Variants in ETV6 observed in about 807,000 individuals in gnomAD.
ETV6 encodes ETS variant transcription factor 6.
In ETV6, 16 loss-of-function variants were observed where a neutral mutation model predicts 51.1. The observed-to-expected ratio is 0.31, with a 90% CI of 0.21 to 0.48. The LOEUF is 0.48. Ranked by LOEUF, ETV6 falls within the 20% of genes least tolerant of loss-of-function variation. ETV6 has a pLI of 0.99. For missense variants in ETV6, 458 were observed against 594.8 expected (o/e 0.77, Z 2.39); for synonymous variants, 240 against 224.1 (o/e 1.07, Z -0.64).
Position 11,874,123 on chromosome 12 carries a change from C to G in ETV6, c.1009+4154C>G, listed in dbSNP as rs1946925094. Among the ~76,000 whole-genome samples, 2 of 74,430 alleles carry G rather than the reference C, an allele frequency of 2.7e-5. 1 individual carries two copies. The allele number at this position is 74,430 out of a possible 152,430, so 48.8% of individuals were successfully genotyped here. On this transcript the variant is annotated intron_variant, in intron 5 of 7. Transcript: ENST00000396373. Reference sequence around the variant, plus strand: ...GGGTACTGTGGCTCACGCCTGTAATCCCAGTACTTTGGAAGGCCAAGGCTG... The same window carrying G: ...GGGTACTGTGGCTCACGCCTGTAATGCCAGTACTTTGGAAGGCCAAGGCTG...
intron 2 of ETV6, among the ~76,000 whole-genome samples, chr12:11,795,796 C>G (rs932791028): frequency 6.6e-6 from 1 of 152,176 alleles, no homozygotes; most frequent in Non-Finnish European, 1.5e-5. Context: ...GTTGCCTAAC[C>G]TCTCCAAAGA....
intron 1 of ETV6, among the ~76,000 whole-genome samples, chr12:11,695,920 A>G (rs1486206734): frequency 6.6e-6 from 1 of 152,110 alleles, no homozygotes; most frequent in Non-Finnish European, 1.5e-5. Context: ...TCATCGACTC[A>G]TGGAATATTA....
chr12:11,862,236 A>G (rs911307840), intron 4 of ETV6, among the ~76,000 whole-genome samples: 1 of 152,158 alleles, frequency 6.6e-6, no homozygotes, highest in East Asian at 1.9e-4. Context: ...ACTCCAAACT[A>G]GGGCAGTTTT....
At chr12:11,729,427 G>T (rs541617374) in intron 1 of ETV6, among the ~76,000 whole-genome samples, 1 of 152,154 alleles carries the variant, frequency 6.6e-6, no homozygotes, top group African/African-American at 2.4e-5. Context: ...AGGTGGGGGG[G>T]ACTGGGCTGC....
At chr12:11,850,660 G>C (rs1048039362) in intron 3 of ETV6, among the ~76,000 whole-genome samples, 5 of 152,170 alleles carry the variant, frequency 3.3e-5, no homozygotes, top group Admixed American at 3.3e-4. Context: ...TTATTGAATC[G>C]TTACAACGAT....
Position 11,735,610 on chromosome 12 carries a change from A to G in ETV6, c.34-16840A>G, listed in dbSNP as rs147422058. On this transcript the variant is annotated intron_variant, in intron 1 of 7. Coordinates refer to ENST00000396373, the MANE Select transcript of ETV6 (RefSeq NM_001987.5). ...ATGATGATGATGATGATGATTTTTT[A>G]TTTTTTTGAGATGGAGTTTCACTCT... is the stretch of plus-strand genomic sequence containing the variant. Among the ~76,000 whole-genome samples the G allele has an allele frequency of 3.6e-3, 541 of 151,862 alleles. 2 individuals are homozygous for G. Among genetic ancestry groups the G allele is most frequent in the Non-Finnish European group, 3.8e-3 (255 of 67,928 alleles).
rs761820376 is a variant in ETV6, at chr12:11,853,567, G to A, written c.463+6G>A. 8.1e-6 allele frequency: 13 copies of A among 1,614,002 alleles called. No individual in the cohort carries two copies. The South Asian group carries it at 1.3e-4, about 16-fold the overall frequency. On this transcript the variant is annotated splice_donor_region_variant and intron_variant, in intron 4 of 7. Transcript: ENST00000396373. ...GCATCAGAACCATGAAGAAGGTACTGGAAGAGGTTTCTCTTTTCTTGCCTG... is the reference window on the plus strand; with the variant it reads ...GCATCAGAACCATGAAGAAGGTACTAGAAGAGGTTTCTCTTTTCTTGCCTG...
chr12:11,701,269 A>G (rs1864976922), intron 1 of ETV6, among the ~76,000 whole-genome samples: 1 of 152,138 alleles, frequency 6.6e-6, no homozygotes, highest in African/African-American at 2.4e-5. Flanking sequence ...CTCTGTCCCC[A>G]GCAAACGCTG....
At chr12:11,849,430 C>T (rs912423729) in intron 3 of ETV6, among the ~76,000 whole-genome samples, 2 of 152,046 alleles carry the variant, frequency 1.3e-5, no homozygotes, top group African/African-American at 4.8e-5. Flanking sequence ...TTGTTAGTAA[C>T]ACCTTTTAGA....
intron 1 of ETV6, among the ~76,000 whole-genome samples, chr12:11,740,625 C>G (rs748221637): frequency 2.0e-5 from 3 of 152,126 alleles, no homozygotes; most frequent in Admixed American, 6.5e-5. Context: ...TAGAATACTA[C>G]TAATAATATC....
chr12:11,701,907 G>T (rs1280018765), intron 1 of ETV6, among the ~76,000 whole-genome samples: 1 of 152,210 alleles, frequency 6.6e-6, no homozygotes, highest in Non-Finnish European at 1.5e-5. Context: ...TCCACGAATG[G>T]CCTGAGCTAA....
At chr12:11,793,047 GTC>G (rs1945626258) in intron 2 of ETV6, among the ~76,000 whole-genome samples, 2 of 151,726 alleles carry the variant, frequency 1.3e-5, no homozygotes, top group Admixed American at 1.3e-4. Flanking sequence ...AAGCTTTAAT[GTC>G]TGTTTTTAAG....
chr12:11,821,314 C>T (rs540225456), intron 2 of ETV6, among the ~76,000 whole-genome samples: 60 of 152,106 alleles, frequency 3.9e-4, no homozygotes, highest in African/African-American at 1.3e-3. Flanking sequence ...TACAGTGAGC[C>T]GAGATGGCGC....
intron 1 of ETV6, among the ~76,000 whole-genome samples, chr12:11,725,074 C>T (rs965737024): frequency 1.3e-5 from 2 of 152,138 alleles, no homozygotes; most frequent in South Asian, 2.1e-4. Context: ...TCAGCTTCAC[C>T]TTGGGTCGCG....
In ETV6 at chr12:11,736,260, G is replaced by C. The variant is rs374409188; in HGVS notation, c.34-16190G>C. Among the ~76,000 whole-genome samples, 4 of 152,212 alleles carry C rather than the reference G, an allele frequency of 2.6e-5. No homozygotes were observed. In the East Asian group the frequency reaches 5.8e-4, roughly 22 times the overall value. ...CAGACAATTGTTGAGTATCTACAGTGTATCAGGCACTGTTCTTGGAGCAGG... is the reference window on the plus strand; with the variant it reads ...CAGACAATTGTTGAGTATCTACAGTCTATCAGGCACTGTTCTTGGAGCAGG... On this transcript the variant is annotated intron_variant, in intron 1 of 7. Coordinates refer to ENST00000396373, the MANE Select transcript of ETV6 (RefSeq NM_001987.5).
rs563392596 is a variant in ETV6 at position 11,895,209 on chromosome 12, C to T, written c.*4163C>T. The T allele has an allele frequency of 4.3e-6, 1 of 232,390 alleles. No homozygotes were observed. The highest frequency in any genetic ancestry group is 6.1e-5 in the East Asian group (1 of 16,440). 14.4% of individuals were successfully genotyped at this position (232,390 alleles called of 1,614,324 possible). A position where few individuals can be genotyped will look rare whatever the true frequency, so the allele number is the denominator to read the frequency against. ...ACTCTAGAATTTCCTTCCCCGCCCC[C>T]CTTTTTGTTTAGTTTCTAATCTCTT... On this transcript the variant is annotated 3_prime_UTR_variant, in exon 8 of 8. Coordinates refer to ENST00000396373, the MANE Select transcript of ETV6 (RefSeq NM_001987.5).
intron 1 of ETV6, among the ~76,000 whole-genome samples, chr12:11,719,104 G>A (rs569788439): frequency 1.3e-5 from 2 of 152,324 alleles, no homozygotes; most frequent in East Asian, 3.9e-4. Flanking sequence ...AAGCTGCCCA[G>A]GGACTGGCTA....
At chr12:11,720,202 C>CT (rs1865356780) in intron 1 of ETV6, among the ~76,000 whole-genome samples, 1 of 152,196 alleles carries the variant, frequency 6.6e-6, no homozygotes, top group African/African-American at 2.4e-5. Context: ...CAGCATTAAT[C>CT]TTTAAGAGTC....
intron 1 of ETV6, among the ~76,000 whole-genome samples, chr12:11,745,676 C>G (rs763099274): frequency 1.3e-5 from 2 of 152,030 alleles, no homozygotes; most frequent in African/African-American, 4.8e-5. Flanking sequence ...CTATAGGCAC[C>G]AAATAGATGT....
Sources: allele counts gnomAD v4.1 joint callset (sites outside exome capture counted in the v4.1 genomes callset), GRCh38; gene constraint gnomAD v4.1.1; transcripts MANE v1.5; gene names NCBI Gene and HGNC (gene_info 2026-07-23, HGNC 2026-07-21).